Variants in KLHL29 observed in about 807,000 individuals in gnomAD.
KLHL29 encodes kelch like family member 29.
A neutral mutation model predicts 80.4 loss-of-function variants in KLHL29; 21 were observed. That is an observed-to-expected ratio of 0.26 (90% CI 0.19 to 0.38). The LOEUF is 0.38. Ranked by LOEUF, KLHL29 falls within the 10% of genes least tolerant of loss-of-function variation. The pLI, the probability that KLHL29 is intolerant of heterozygous loss-of-function variation, is 1.00. For synonymous variants in KLHL29, 511 were observed against 526.8 expected, an observed-to-expected ratio of 0.97 and a Z score of 0.41; for missense variants, 867 against 1,223.9, an observed-to-expected ratio of 0.71 and a Z score of 4.35.
At chr2:23,535,883 A>G (rs1666646764) in intron 2 of KLHL29, among the ~76,000 whole-genome samples, 1 of 152,252 alleles carries the variant, frequency 6.6e-6, no homozygotes, top group Non-Finnish European at 1.5e-5. Flanking sequence ...AAGTGTACAC[A>G]TAAAATGGCT....
chr2:23,660,037 C>A (rs969330011), intron 5 of KLHL29, among the ~76,000 whole-genome samples: 6 of 152,154 alleles, frequency 3.9e-5, no homozygotes, highest in African/African-American at 1.4e-4. Context: ...CCACCCCTAT[C>A]TAGACCTATC....
At chr2:23,635,238 G>A (rs992436570) in intron 3 of KLHL29, among the ~76,000 whole-genome samples, 29 of 152,246 alleles carry the variant, frequency 1.9e-4, no homozygotes, top group Admixed American at 1.3e-4. Context: ...GTGAGCAAAG[G>A]GTACTCCATG....
chr2:23,529,840 T>A (rs1000802384), intron 2 of KLHL29, among the ~76,000 whole-genome samples: 1 of 152,076 alleles, frequency 6.6e-6, no homozygotes, highest in Non-Finnish European at 1.5e-5. Flanking sequence ...CAGACTGAGC[T>A]CTGGTCGCAG....
At chr2:23,391,561 G>A (rs1454935277) in intron 1 of KLHL29, among the ~76,000 whole-genome samples, 1 of 152,102 alleles carries the variant, frequency 6.6e-6, no homozygotes, top group Non-Finnish European at 1.5e-5. Context: ...TCAGCCTCCT[G>A]AGTAGCTGGG....
chr2:23,625,942 C>T (rs896769383), intron 3 of KLHL29, among the ~76,000 whole-genome samples: 6 of 152,192 alleles, frequency 3.9e-5, no homozygotes, highest in Admixed American at 2.6e-4. Flanking sequence ...GAGCCCTCCC[C>T]AGAACCTGCC....
intron 1 of KLHL29, among the ~76,000 whole-genome samples, chr2:23,471,826 C>G (rs1664502224): frequency 6.6e-6 from 1 of 152,198 alleles, no homozygotes; most frequent in South Asian, 2.1e-4. Flanking sequence ...TTCCTGGGTT[C>G]ATTCCTGGGA....
In KLHL29 at chr2:23,596,442, C is replaced by T. The variant is rs564651152; in HGVS notation, c.285+33961C>T. Among the ~76,000 whole-genome samples the T allele has an allele frequency of 6.6e-6, 1 of 152,308 alleles. No individual in the cohort carries two copies. Among genetic ancestry groups the T allele is most frequent in the African/African-American group, 2.4e-5 (1 of 41,564 alleles). The stretch of plus-strand genomic sequence containing the variant: ...GAGAGGAAGGAACCCGTTTCATAAG[C>T]GCACTCACGTTGGAGCAGAACAGAG... On this transcript the variant is annotated intron_variant, in intron 3 of 13. Transcript: ENST00000486442. The surrounding 1 kb of genome is among the most constrained non-coding windows in gnomAD (Gnocchi z 4.4).
At chr2:23,626,107 G>C (rs916944463) in intron 3 of KLHL29, among the ~76,000 whole-genome samples, 3 of 151,970 alleles carry the variant, frequency 2.0e-5, no homozygotes, top group African/African-American at 7.3e-5. Flanking sequence ...GAGTTGGGGG[G>C]GCAGTTTCTG....
intron 2 of KLHL29, among the ~76,000 whole-genome samples, chr2:23,534,182 C>T (rs1666591160): frequency 6.6e-6 from 1 of 152,154 alleles, no homozygotes; most frequent in South Asian, 2.1e-4. Context: ...ACCGGGGCTT[C>T]AGATCATGAG....
At chr2:23,706,216 G>T (rs4233701) in intron 13 of KLHL29, among the ~76,000 whole-genome samples, 1 of 152,038 alleles carries the variant, frequency 6.6e-6, no homozygotes, top group Non-Finnish European at 1.5e-5. Context: ...TCGTCTCCTA[G>T]CCATGGTTAG....
At chr2:23,646,263 C>G (rs1286718463) in intron 5 of KLHL29, among the ~76,000 whole-genome samples, 2 of 152,138 alleles carry the variant, frequency 1.3e-5, no homozygotes, top group African/African-American at 4.8e-5. Flanking sequence ...TGTTACTACC[C>G]CAGGATCCCG....
At chr2:23,602,609 G>A (rs973319960) in intron 3 of KLHL29, among the ~76,000 whole-genome samples, 2 of 136,848 alleles carry the variant, frequency 1.5e-5, no homozygotes, top group African/African-American at 2.7e-5. Flanking sequence ...GCTGCTCTAC[G>A]TGAATTTTTT....
chr2:23,521,226 A>G (rs1317751883), intron 2 of KLHL29, among the ~76,000 whole-genome samples: 3 of 152,114 alleles, frequency 2.0e-5, no homozygotes, highest in Admixed American at 6.5e-5. Flanking sequence ...GTGGCCATGC[A>G]GAAGGCCATG....
At chr2:23,609,823 A>G (rs774196014) in intron 3 of KLHL29, among the ~76,000 whole-genome samples, 3 of 152,142 alleles carry the variant, frequency 2.0e-5, no homozygotes, top group Non-Finnish European at 4.4e-5. Flanking sequence ...CCCAGACACA[A>G]AGAGATTAAA....
rs1036236151 is a variant in KLHL29, at chr2:23,696,215, A to G, written c.1924+82A>G. On this transcript the variant is annotated intron_variant, in intron 10 of 13. Transcript: ENST00000486442. This position sits in a 1 kb window ranked among gnomAD's most constrained non-coding sequence, Gnocchi z 5.5. ...CCCCACGTCAGGGCTGAGGAAGGCCATGGCCCAGAAGTGTCTACTTTGCAG... is the reference window on the plus strand; with the variant it reads ...CCCCACGTCAGGGCTGAGGAAGGCCGTGGCCCAGAAGTGTCTACTTTGCAG... 25 of 1,491,730 alleles carry G rather than the reference A, an allele frequency of 1.7e-5. 1 individual carries two copies. The East Asian group carries it at 4.2e-4, about 25-fold the overall frequency. The allele number at this position is 1,491,730 out of a possible 1,614,324, so 92.4% of individuals were successfully genotyped here. A position where few individuals can be genotyped will look rare whatever the true frequency, so the allele number is the denominator to read the frequency against.
At chr2:23,405,876 G>A (rs760589140) in intron 1 of KLHL29, among the ~76,000 whole-genome samples, 1 of 152,186 alleles carries the variant, frequency 6.6e-6, no homozygotes, top group Non-Finnish European at 1.5e-5. Flanking sequence ...TTTGAACTTG[G>A]CCTTAAAGGA....
At chr2:23,585,869 T>G (rs1025870309) in intron 3 of KLHL29, among the ~76,000 whole-genome samples, 2 of 152,178 alleles carry the variant, frequency 1.3e-5, no homozygotes, top group Non-Finnish European at 2.9e-5. Context: ...GCACTTTATT[T>G]GCTCTACCAC....
intron 1 of KLHL29, among the ~76,000 whole-genome samples, chr2:23,401,939 A>G (rs1666608207): frequency 6.6e-6 from 1 of 152,214 alleles, no homozygotes; most frequent in Admixed American, 6.5e-5. Flanking sequence ...TGACTTGACC[A>G]TGTGCTCCTG....
intron 3 of KLHL29, among the ~76,000 whole-genome samples, chr2:23,569,337 C>T (rs1667662564): frequency 6.6e-6 from 1 of 152,156 alleles, no homozygotes; most frequent in Non-Finnish European, 1.5e-5. Flanking sequence ...CAGCCTAGTG[C>T]CTCTTTCTCC....
Sources: allele counts gnomAD v4.1 joint callset (sites outside exome capture counted in the v4.1 genomes callset), GRCh38; gene constraint gnomAD v4.1.1; non-coding constraint Gnocchi (gnomAD v3.1); transcripts MANE v1.5; gene names NCBI Gene and HGNC (gene_info 2026-07-23, HGNC 2026-07-21).